The following INVS variants were observed in gnomAD, a reference collection of about 807,000 sequenced individuals.
INVS encodes inversin.
Under a neutral mutation model 108.8 loss-of-function variants are expected in INVS, and 86 were observed. That is an observed-to-expected ratio of 0.79 (90% CI 0.66 to 0.95). INVS has a LOEUF of 0.95. INVS is among the 40% of genes least tolerant of loss of function. The pLI, the probability that INVS is intolerant of heterozygous loss-of-function variation, is 0.00. For synonymous variants in INVS, 455 were observed against 473.5 expected, an observed-to-expected ratio of 0.96 and a Z score of 0.51; for missense variants, 1,169 against 1,297.4, an observed-to-expected ratio of 0.90 and a Z score of 1.52.
intron 3 of INVS, among the ~76,000 whole-genome samples, chr9:100,157,213 A>T (rs1379293782): frequency 7.3e-5 from 11 of 150,932 alleles, no homozygotes. Flanking sequence ...AGTTATACAT[A>T]TGTATCATAT....
At chr9:100,111,487 T>C (rs547010157) in intron 2 of INVS, among the ~76,000 whole-genome samples, 64 of 152,352 alleles carry the variant, frequency 4.2e-4, no homozygotes, top group African/African-American at 1.4e-3. Flanking sequence ...ACAGGCAGAA[T>C]GCCAGCCACG....
rs1833808776 is a variant in INVS, at chr9:100,296,960, C to T, written c.2830C>T (p.Gln944Ter). Residue 944 changes from glutamine (Q) to a stop codon, truncating the protein, a stop_gained, in exon 15 of 17, where the codon CAG becomes TAG. Transcript: ENST00000262457. LOFTEE classifies it high-confidence loss of function. Reference protein sequence around the residue: ...KHLSHLRHMKQLGAGDVDRWR... With the variant: ...KHLSHLRHMK ...CCTGTCCCACCTTCGGCATATGAAG[C>T]AGCTTGGAGCTGGAGATGTGGACAG... 1.9e-6 allele frequency: 3 copies of T among 1,613,994 alleles called. No individual in the cohort carries two copies. Among genetic ancestry groups the T allele is most frequent in the Non-Finnish European group, 2.5e-6 (3 of 1,180,018 alleles).
intron 3 of INVS, among the ~76,000 whole-genome samples, chr9:100,144,645 G>A (rs1476071975): frequency 3.9e-5 from 6 of 152,210 alleles, no homozygotes; most frequent in East Asian, 1.9e-4. Context: ...GGCTAGTCGC[G>A]GAACAAAACT....
At chr9:100,154,718 T>C (rs964853319) in intron 3 of INVS, among the ~76,000 whole-genome samples, 1 of 152,074 alleles carries the variant, frequency 6.6e-6, no homozygotes, top group Non-Finnish European at 1.5e-5. Flanking sequence ...TGTAACCTTT[T>C]TTCCAGGAAA....
intron 3 of INVS, among the ~76,000 whole-genome samples, chr9:100,190,602 T>C (rs1373602777): frequency 2.6e-5 from 4 of 152,190 alleles, no homozygotes; most frequent in Non-Finnish European, 5.9e-5. Flanking sequence ...AAAAAAACTT[T>C]TTTTCTCCTT....
At chr9:100,167,366 C>A (rs1588055357) in intron 3 of INVS, among the ~76,000 whole-genome samples, 2 of 152,066 alleles carry the variant, frequency 1.3e-5, no homozygotes, top group African/African-American at 4.8e-5. Flanking sequence ...CCACATACAC[C>A]ACTCTGACCT....
In INVS at chr9:100,229,650, G is replaced by T; in HGVS notation, c.448-10G>T. ...ACTGTTGTTATTTCGAGAACCTCTC[G>T]ATTTTGCAGCAAACAGCTCTGCATT... is the stretch of plus-strand genomic sequence containing the variant. On this transcript the variant is annotated splice_polypyrimidine_tract_variant and intron_variant, in intron 4 of 16. Coordinates refer to ENST00000262457, the MANE Select transcript of INVS (RefSeq NM_014425.5). The T allele has an allele frequency of 6.2e-7, 1 of 1,613,464 alleles. No homozygotes were observed. The highest frequency in any genetic ancestry group is 1.1e-5 in the South Asian group (1 of 91,030).
chr9:100,163,026 A>G (rs1462870740), intron 3 of INVS, among the ~76,000 whole-genome samples: 1 of 152,038 alleles, frequency 6.6e-6, no homozygotes, highest in Non-Finnish European at 1.5e-5. Flanking sequence ...TGTGAACCTA[A>G]CTACTTTCAA....
At position 100,229,759 on chromosome 9, in the gene INVS, AAG is replaced by A. The variant is rs1226887796; in HGVS notation, c.549_550del (p.Lys183AsnfsTer10). On this transcript the variant is annotated frameshift_variant, in exon 5 of 17. Transcript: ENST00000262457. LOFTEE classifies it high-confidence loss of function. Reference sequence around the variant, plus strand: ...CATTGGGATTCCTGATGTTGAAGGCAAGATCCCACTTCACTGGGCAGCCAACC... The same window carrying A: ...CATTGGGATTCCTGATGTTGAAGGCAATCCCACTTCACTGGGCAGCCAACC... Reference protein sequence around the residue: ...SNIGIPDVEGKIPLHWAANHK... With the variant: ...SNIGIPDVEGXIPLHWAANHK... 1 of 1,614,064 alleles carries A rather than the reference AAG, an allele frequency of 6.2e-7. No individual in the cohort carries two copies. Among genetic ancestry groups the A allele is most frequent in the Non-Finnish European group, 8.5e-7 (1 of 1,180,012 alleles).
At chr9:100,138,865 C>G (rs1342216750) in intron 3 of INVS, among the ~76,000 whole-genome samples, 1 of 149,450 alleles carries the variant, frequency 6.7e-6, no homozygotes, top group Non-Finnish European at 1.5e-5. Flanking sequence ...TGCCACCACG[C>G]CTGGATAATT....
intron 13 of INVS, among the ~76,000 whole-genome samples, chr9:100,287,174 A>G (rs543402672): frequency 2.1e-4 from 32 of 152,342 alleles, no homozygotes; most frequent in Admixed American, 2.1e-3. Context: ...GATGCTGGCT[A>G]TCAGATGGGA....
At chr9:100,107,926 T>C (rs1244356568) in intron 2 of INVS, among the ~76,000 whole-genome samples, 1 of 152,186 alleles carries the variant, frequency 6.6e-6, no homozygotes, top group Non-Finnish European at 1.5e-5. Context: ...AATCATTCTT[T>C]AAGTATCTTT....
At chr9:100,103,607 G>A (rs1827077986) in intron 1 of INVS, among the ~76,000 whole-genome samples, 1 of 149,968 alleles carries the variant, frequency 6.7e-6, no homozygotes, top group African/African-American at 2.4e-5. Flanking sequence ...TAGCCTGGGT[G>A]ACAGAGCAAG....
chr9:100,236,169 G>A (rs955364717), intron 5 of INVS, among the ~76,000 whole-genome samples: 1 of 152,144 alleles, frequency 6.6e-6, no homozygotes, highest in South Asian at 2.1e-4. Flanking sequence ...ACTTGTGTAT[G>A]CTTCACGAAG....
At chr9:100,156,933 T>TAC (rs1829007014) in intron 3 of INVS, among the ~76,000 whole-genome samples, 1 of 113,944 alleles carries the variant, frequency 8.8e-6, no homozygotes, top group Admixed American at 1.1e-4. Context: ...TATATATACA[T>TAC]ATATATATAT....
At chr9:100,184,450 G>T (rs1333608761) in intron 3 of INVS, among the ~76,000 whole-genome samples, 1 of 152,158 alleles carries the variant, frequency 6.6e-6, no homozygotes, top group Non-Finnish European at 1.5e-5. Flanking sequence ...TGAATCCATA[G>T]ACCACTTGCT....
At chr9:100,135,995 G>A (rs1828213877) in intron 3 of INVS, among the ~76,000 whole-genome samples, 1 of 151,992 alleles carries the variant, frequency 6.6e-6, no homozygotes. Context: ...TCAAGCAGAA[G>A]AGGATCCATT....
chr9:100,245,947 T>A (rs1288888021), intron 7 of INVS, among the ~76,000 whole-genome samples: 1 of 152,022 alleles, frequency 6.6e-6, no homozygotes, highest in Non-Finnish European at 1.5e-5. Context: ...GATGGATCAC[T>A]TGAGGTCTGG....
chr9:100,252,758 A>C, intron 9 of INVS, 149 bp from the exon 10 acceptor site: 1 of 691,722 alleles, frequency 1.4e-6, no homozygotes, highest in Non-Finnish European at 2.5e-6. Flanking sequence ...CATTTCCATA[A>C]GAATAAAGCA....
Sources: allele counts gnomAD v4.1 joint callset (sites outside exome capture counted in the v4.1 genomes callset), GRCh38; gene constraint gnomAD v4.1.1; transcripts MANE v1.5; gene names NCBI Gene and HGNC (gene_info 2026-07-23, HGNC 2026-07-21).